DLC1: variants seen among roughly 807,000 people sequenced by gnomAD.
DLC1 encodes the protein rho GTPase-activating protein 7.
A neutral mutation model predicts 140.3 loss-of-function variants in DLC1; 54 were observed. The ratio of observed to expected loss-of-function variants is 0.38; its 90% CI spans 0.31 to 0.48. DLC1 has a LOEUF of 0.48. Ranked by LOEUF, DLC1 falls within the 20% of genes least tolerant of loss-of-function variation. The pLI, the probability that DLC1 is intolerant of heterozygous loss-of-function variation, is 0.96. For missense variants in DLC1, 2,536 were observed against 1,907.0 expected (o/e 1.33, Z -6.14); for synonymous variants, 986 against 728.1 (o/e 1.35, Z -5.70).
chr8:13,220,622 C>T (rs1396211150), intron 5 of DLC1, among the ~76,000 whole-genome samples: 1 of 152,164 alleles, frequency 6.6e-6, no homozygotes, highest in Admixed American at 6.5e-5. Flanking sequence ...TCCTTGGGAT[C>T]ACTCACAGCT....
intron 5 of DLC1, among the ~76,000 whole-genome samples, chr8:13,173,173 T>C (rs546213518): frequency 6.6e-6 from 1 of 152,150 alleles, no homozygotes; most frequent in African/African-American, 2.4e-5. Context: ...ATTTTTAAAG[T>C]TCCCCATGAG....
chr8:13,205,431 G>C (rs905137413), intron 5 of DLC1, among the ~76,000 whole-genome samples: 3 of 152,224 alleles, frequency 2.0e-5, no homozygotes, highest in Non-Finnish European at 4.4e-5. Flanking sequence ...CTGTTAAGGG[G>C]AGATTGTGGT....
At chr8:13,196,997 T>A (rs1452254290) in intron 5 of DLC1, among the ~76,000 whole-genome samples, 2 of 152,236 alleles carry the variant, frequency 1.3e-5, no homozygotes, top group Non-Finnish European at 2.9e-5. Context: ...CAAGACAAAG[T>A]ACCTGATCAA....
chr8:13,564,348 A>G (rs992509256), intron 1 of DLC1, among the ~76,000 whole-genome samples: 1 of 152,190 alleles, frequency 6.6e-6, no homozygotes, highest in Admixed American at 6.5e-5. Flanking sequence ...AAAAATGGCC[A>G]TTACAGTGAG....
intron 2 of DLC1, among the ~76,000 whole-genome samples, chr8:13,485,249 A>G (rs76161384): frequency 0.033 from 5,100 of 152,346 alleles, 107 homozygotes; most frequent in African/African-American, 0.041. Context: ...GATGCAGTAT[A>G]GAAAACCATA....
At chr8:13,589,516 G>T (rs1105406) in intron 1 of DLC1, among the ~76,000 whole-genome samples, 1 of 151,786 alleles carries the variant, frequency 6.6e-6, no homozygotes, top group African/African-American at 2.4e-5. Context: ...ATTTTGCAAC[G>T]CAGAATCCAC....
intron 5 of DLC1, among the ~76,000 whole-genome samples, chr8:13,155,277 G>A (rs1824168256): frequency 6.6e-6 from 1 of 151,150 alleles, no homozygotes. Flanking sequence ...AATGTATCCA[G>A]TTTTTTATTG....
chr8:13,100,460 G>T lies in DLC1; in HGVS notation c.1877C>A (p.Ser626Tyr). ...PRTNSVISVCSSSNLAGNDDS... is the reference protein window; with the variant it reads ...PRTNSVISVCYSSNLAGNDDS... ...GTCATTGCCTGCCAAGTTGCTGGAGGAGCAAACGCTGATGACGGAGTTAGT... is the reference window on the plus strand; with the variant it reads ...GTCATTGCCTGCCAAGTTGCTGGAGTAGCAAACGCTGATGACGGAGTTAGT... Residue 626 changes from serine to tyrosine, a missense_variant, in exon 9 of 18, where the codon TCC becomes TAC. Coordinates refer to ENST00000276297, the MANE Select transcript of DLC1 (RefSeq NM_182643.3). The T allele has an allele frequency of 1.2e-6, 2 of 1,613,708 alleles. No homozygotes were observed. The highest frequency in any genetic ancestry group is 1.7e-6 in the Non-Finnish European group (2 of 1,180,032).
chr8:13,598,676 T>C (rs1370945544), intron 1 of DLC1, among the ~76,000 whole-genome samples: 1 of 152,042 alleles, frequency 6.6e-6, no homozygotes, highest in Non-Finnish European at 1.5e-5. Context: ...AATATAATAC[T>C]TACTATTATT....
chr8:13,310,388 T>C (rs978029152), intron 4 of DLC1, among the ~76,000 whole-genome samples: 4 of 152,242 alleles, frequency 2.6e-5, no homozygotes, highest in African/African-American at 9.6e-5. Flanking sequence ...CATTCACTTT[T>C]CTTCCCACAA....
At chr8:13,466,283 A>T (rs141156524) in intron 2 of DLC1, among the ~76,000 whole-genome samples, 3 of 151,950 alleles carry the variant, frequency 2.0e-5, no homozygotes, top group Non-Finnish European at 4.4e-5. Flanking sequence ...TGGACGCAAT[A>T]CCCCCACTTC....
chr8:13,527,866 T>C (rs1050650288), intron 1 of DLC1, among the ~76,000 whole-genome samples: 3 of 152,164 alleles, frequency 2.0e-5, no homozygotes, highest in African/African-American at 7.2e-5. Flanking sequence ...AGCAAACTTA[T>C]ATTTTCTTGG....
chr8:13,352,735 T>C (rs1297455679), intron 4 of DLC1, among the ~76,000 whole-genome samples: 2 of 152,180 alleles, frequency 1.3e-5, no homozygotes, highest in Non-Finnish European at 2.9e-5. Flanking sequence ...TATGTTAATA[T>C]GCATAATACA....
At chr8:13,200,231 A>G (rs1827305195) in intron 5 of DLC1, among the ~76,000 whole-genome samples, 1 of 148,186 alleles carries the variant, frequency 6.7e-6, no homozygotes, top group Admixed American at 6.7e-5. Flanking sequence ...TTTTGTATAT[A>G]TATATTTTTT....
At chr8:13,166,345 A>G (rs1357756347) in intron 5 of DLC1, among the ~76,000 whole-genome samples, 1 of 151,756 alleles carries the variant, frequency 6.6e-6, no homozygotes, top group Non-Finnish European at 1.5e-5. Context: ...TCTCTCATTT[A>G]TTTATTTATT....
chr8:13,146,141 C>T (rs1036956512), intron 5 of DLC1, among the ~76,000 whole-genome samples: 1 of 151,728 alleles, frequency 6.6e-6, no homozygotes, highest in African/African-American at 2.4e-5. Flanking sequence ...CGGACATAGT[C>T]GTGTGTGCAT....
chr8:13,177,839 A>G (rs969214581), intron 5 of DLC1, among the ~76,000 whole-genome samples: 14 of 152,180 alleles, frequency 9.2e-5, no homozygotes, highest in Non-Finnish European at 2.9e-5. Flanking sequence ...CCAATTTAAT[A>G]TTTGGATAAT....
At chr8:13,443,983 A>C (rs1798664508) in intron 2 of DLC1, among the ~76,000 whole-genome samples, 1 of 152,220 alleles carries the variant, frequency 6.6e-6, no homozygotes, top group Non-Finnish European at 1.5e-5. Flanking sequence ...AAAGCATTGT[A>C]TGAATCATGG....
Position 13,363,754 on chromosome 8 carries a change from G to A in DLC1, c.1314+29799C>T, listed in dbSNP as rs190558922. ...TGTAGGTCCAGCAAAATCTAAGGTC[G>A]CCAAGCATGCTGAAACATTTCTCAG... On this transcript the variant is annotated intron_variant, in intron 4 of 17. Transcript: ENST00000276297. Among the ~76,000 whole-genome samples the A allele has an allele frequency of 2.5e-3, 387 of 152,208 alleles. 3 individuals are homozygous for A. Among genetic ancestry groups the A allele is most frequent in the African/African-American group, 8.1e-3 (337 of 41,520 alleles).
Sources: allele counts gnomAD v4.1 joint callset (sites outside exome capture counted in the v4.1 genomes callset), GRCh38; gene constraint gnomAD v4.1.1; transcripts MANE v1.5; gene names NCBI Gene and HGNC (gene_info 2026-07-23, HGNC 2026-07-21).